The following HCN1 variants were observed in gnomAD, a reference collection of about 807,000 sequenced individuals.
HCN1 encodes the protein hyperpolarization activated cyclic nucleotide gated potassium channel 1, also known as potassium/sodium hyperpolarization-activated cyclic nucleotide-gated channel 1.
In HCN1, 13 loss-of-function variants were observed where a neutral mutation model predicts 78.9. The observed-to-expected ratio is 0.16, with a 90% CI of 0.11 to 0.26. The LOEUF is 0.26. Among genes scored for constraint, HCN1 ranks in the 10% least tolerant of loss-of-function variants. The pLI is 1.00. For synonymous variants in HCN1, 552 were observed against 455.5 expected (o/e 1.21, Z -2.70); for missense variants, 810 against 1,154.3 (o/e 0.70, Z 4.32).
intron 4 of HCN1, among the ~76,000 whole-genome samples, chr5:45,378,670 C>T (rs1311641426): frequency 5.9e-5 from 9 of 152,024 alleles, no homozygotes; most frequent in Admixed American, 1.3e-4. Context: ...ATGTGCACAA[C>T]GTGCAGGTTT....
At chr5:45,329,965 C>A (rs1223983873) in intron 5 of HCN1, among the ~76,000 whole-genome samples, 2 of 151,264 alleles carry the variant, frequency 1.3e-5, no homozygotes, top group African/African-American at 4.8e-5. Flanking sequence ...CAAAGACCAT[C>A]TTCTTTCCAA....
At chr5:45,672,810 T>G (rs1746177120) in intron 1 of HCN1, among the ~76,000 whole-genome samples, 3 of 151,468 alleles carry the variant, frequency 2.0e-5, no homozygotes, top group Admixed American at 2.0e-4. Flanking sequence ...AAGGTTGTTT[T>G]ATCTTTTTTT....
At chr5:45,657,597 G>T (rs1239083380) in intron 1 of HCN1, among the ~76,000 whole-genome samples, 1 of 151,988 alleles carries the variant, frequency 6.6e-6, no homozygotes, top group African/African-American at 2.4e-5. Context: ...TAAAGATATG[G>T]CTTCTACCAG....
intron 2 of HCN1, among the ~76,000 whole-genome samples, chr5:45,626,386 G>A (rs1745163888): frequency 6.6e-6 from 1 of 152,120 alleles, no homozygotes; most frequent in South Asian, 2.1e-4. Context: ...ACTCCTGAGT[G>A]CTCACCATGT....
At position 45,257,665 on chromosome 5, in the gene HCN1, G is replaced by GA. The variant is rs980253161; in HGVS notation, c.*4255dup. On this transcript the variant is annotated 3_prime_UTR_variant, in exon 8 of 8. Coordinates refer to ENST00000303230, the MANE Select transcript of HCN1 (RefSeq NM_021072.4). ...GTGCAAGTGCAGGGTTGTTAAAAAG[G>GA]AAAAAAATTGAAATTGCTTAAGAAA... 16 of 152,076 alleles carry GA rather than the reference G, an allele frequency of 1.1e-4. No individual in the cohort carries two copies. Among genetic ancestry groups the GA allele is most frequent in the Non-Finnish European group, 1.8e-4 (12 of 68,008 alleles). 9.4% of individuals were successfully genotyped at this position (152,076 alleles called of 1,614,324 possible). A position where few individuals can be genotyped will look rare whatever the true frequency, so the allele number is the denominator to read the frequency against.
At chr5:45,608,628 T>A (rs898294367) in intron 2 of HCN1, among the ~76,000 whole-genome samples, 1 of 151,980 alleles carries the variant, frequency 6.6e-6, no homozygotes, top group Non-Finnish European at 1.5e-5. Flanking sequence ...GTTTACACAG[T>A]ATATGAAAAT....
chr5:45,534,404 CAAAAAAAAAAAAAAAAAAAAAAAAAAA>C (rs71000637), intron 2 of HCN1, among the ~76,000 whole-genome samples: 2 of 29,296 alleles, frequency 6.8e-5, no homozygotes, highest in South Asian at 2.3e-3. Flanking sequence ...GACTGCATCT[CAAAAAAAAAAAAAAAAAAAAAAAAAAA>C]AAAAAAAAAA....
At chr5:45,402,604 A>G (rs1387620544) in intron 3 of HCN1, among the ~76,000 whole-genome samples, 1 of 152,172 alleles carries the variant, frequency 6.6e-6, no homozygotes, top group African/African-American at 2.4e-5. Flanking sequence ...TTACAAGTTT[A>G]TGAGAAGTGA....
At chr5:45,376,146 TATATA>T (rs1466762212) in intron 4 of HCN1, among the ~76,000 whole-genome samples, 2 of 102,386 alleles carry the variant, frequency 2.0e-5, no homozygotes, top group East Asian at 3.0e-4. Context: ...TAATATATTA[TATATA>T]ATATAATATT....
intron 2 of HCN1, among the ~76,000 whole-genome samples, chr5:45,524,284 T>G (rs1742681325): frequency 1.3e-5 from 2 of 152,150 alleles, no homozygotes; most frequent in Admixed American, 1.3e-4. Context: ...TAGTTTGAAG[T>G]CAGGTAGCGT....
In HCN1 at chr5:45,257,313, G is replaced by T. The variant is rs1287026128; in HGVS notation, c.*4608C>A. 6.6e-6 allele frequency: 1 copy of T among 152,122 alleles called. No individual in the cohort carries two copies. Among genetic ancestry groups the T allele is most frequent in the Non-Finnish European group, 1.5e-5 (1 of 68,038 alleles). The allele number at this position is 152,122 out of a possible 1,614,324, so 9.4% of individuals were successfully genotyped here. On this transcript the variant is annotated 3_prime_UTR_variant, in exon 8 of 8. Transcript: ENST00000303230. ...CTTCACCCTGTGAGACACTCCAGCT[G>T]CATTGAACTGCCAGTGTTCCCAATC...
rs533116496 is a variant in HCN1 at position 45,258,669 on chromosome 5, T to C, written c.*3252A>G. On this transcript the variant is annotated 3_prime_UTR_variant, in exon 8 of 8. Coordinates refer to ENST00000303230, the MANE Select transcript of HCN1 (RefSeq NM_021072.4). ...CAGGGCCCAAGGCTATAAATATGAA[T>C]ATATTTATACAAACCTATTTTGTTA... 36 of 151,842 alleles carry C rather than the reference T, an allele frequency of 2.4e-4. No individual in the cohort carries two copies. The highest frequency in any genetic ancestry group is 2.3e-3 in the Admixed American group (35 of 15,262). 9.4% of individuals were successfully genotyped at this position (151,842 alleles called of 1,614,324 possible).
intron 4 of HCN1, among the ~76,000 whole-genome samples, chr5:45,356,398 T>C (rs960562490): frequency 6.6e-6 from 1 of 151,952 alleles, no homozygotes; most frequent in Non-Finnish European, 1.5e-5. Context: ...AAAGTATGCA[T>C]GTACATGATT....
chr5:45,438,786 C>A (rs908943324), intron 3 of HCN1, among the ~76,000 whole-genome samples: 2 of 151,958 alleles, frequency 1.3e-5, no homozygotes, highest in Non-Finnish European at 2.9e-5. Context: ...AGATGATGTA[C>A]ACGTCAGGTT....
intron 5 of HCN1, among the ~76,000 whole-genome samples, chr5:45,314,106 C>T (rs909034850): frequency 2.0e-5 from 3 of 152,018 alleles, no homozygotes; most frequent in Non-Finnish European, 2.9e-5. Context: ...GTAAGGGCAG[C>T]CAGAGAGAAA....
intron 2 of HCN1, among the ~76,000 whole-genome samples, chr5:45,518,908 C>A (rs1742566293): frequency 6.6e-6 from 1 of 151,752 alleles, no homozygotes; most frequent in Non-Finnish European, 1.5e-5. Flanking sequence ...CATATAAGAT[C>A]TCAGCAGCCC....
chr5:45,636,378 T>A (rs1366822066), intron 2 of HCN1, among the ~76,000 whole-genome samples: 2 of 152,130 alleles, frequency 1.3e-5, no homozygotes, highest in African/African-American at 4.8e-5. Context: ...AGCACACAAA[T>A]GAGTCTAAAA....
intron 3 of HCN1, among the ~76,000 whole-genome samples, chr5:45,409,850 C>A (rs1047091016): frequency 1.3e-5 from 2 of 150,936 alleles, no homozygotes; most frequent in African/African-American, 4.9e-5. Flanking sequence ...CATAAATAAA[C>A]AAATAATTAA....
intron 4 of HCN1, among the ~76,000 whole-genome samples, chr5:45,369,637 A>G (rs888180696): frequency 5.3e-5 from 8 of 152,090 alleles, no homozygotes; most frequent in African/African-American, 1.4e-4. Flanking sequence ...GAAATTTAAA[A>G]CTATAATATT....
Sources: gnomAD v4.1 joint callset for allele counts (sites outside exome capture counted in the v4.1 genomes callset) on GRCh38, gnomAD v4.1.1 for gene constraint, MANE v1.5 for transcripts, NCBI Gene and HGNC (gene_info 2026-07-23, HGNC 2026-07-21) for gene names.